Variants in SYT1 observed in about 807,000 individuals in gnomAD.
The protein encoded by SYT1 is synaptotagmin 1, also known as synaptotagmin-1.
A neutral mutation model predicts 44.8 loss-of-function variants in SYT1; 8 were observed. That is an observed-to-expected ratio of 0.18 (90% CI 0.10 to 0.32). SYT1 has a LOEUF of 0.32. Among genes scored for constraint, SYT1 ranks in the 10% least tolerant of loss-of-function variants. The pLI is 1.00. For synonymous variants in SYT1, 154 were observed against 188.8 expected (o/e 0.82, Z 1.51); for missense variants, 286 against 509.3 (o/e 0.56, Z 4.22).
At chr12:79,381,287 T>A (rs903890631) in intron 9 of SYT1, among the ~76,000 whole-genome samples, 7 of 152,242 alleles carry the variant, frequency 4.6e-5, no homozygotes, top group African/African-American at 1.4e-4. Context: ...AAGGTAAAAC[T>A]GTACACCTAA....
At chr12:78,898,459 C>A (rs567845473) in intron 1 of SYT1, among the ~76,000 whole-genome samples, 41 of 152,160 alleles carry the variant, frequency 2.7e-4, no homozygotes, top group African/African-American at 9.4e-4. Context: ...ACAACATAAT[C>A]CCTATTTTCA....
At chr12:79,101,044 A>G (rs1592749401) in intron 3 of SYT1, among the ~76,000 whole-genome samples, 1 of 152,140 alleles carries the variant, frequency 6.6e-6, no homozygotes. Flanking sequence ...AAGATTATTT[A>G]TCAATACATT....
chr12:78,908,684 T>C (rs7967450), intron 1 of SYT1, among the ~76,000 whole-genome samples: 117,644 of 151,782 alleles, frequency 0.78, 46,374 homozygotes, highest in African/African-American at 0.91. Context: ...TTACAACTTC[T>C]AATATTTCTA....
chr12:79,238,703 A>G (rs937400208), intron 4 of SYT1, among the ~76,000 whole-genome samples: 2 of 152,324 alleles, frequency 1.3e-5, no homozygotes, highest in African/African-American at 4.8e-5. Context: ...CCTACTTCCA[A>G]ATGCTACCAC....
intron 2 of SYT1, among the ~76,000 whole-genome samples, chr12:78,994,848 C>G (rs868363429): frequency 2.6e-5 from 4 of 152,024 alleles, no homozygotes; most frequent in African/African-American, 9.7e-5. Flanking sequence ...ATTTTTGAAA[C>G]GAATGTTTCC....
chr12:78,966,759 C>T (rs1181243176), intron 1 of SYT1, among the ~76,000 whole-genome samples: 2 of 152,156 alleles, frequency 1.3e-5, no homozygotes, highest in Non-Finnish European at 2.9e-5. Context: ...CTTATTCCTT[C>T]TGTATCCTAC....
At chr12:79,357,879 T>C (rs1157541396) in intron 9 of SYT1, among the ~76,000 whole-genome samples, 1 of 152,102 alleles carries the variant, frequency 6.6e-6, no homozygotes, top group Non-Finnish European at 1.5e-5. Flanking sequence ...TTTGGGAAAA[T>C]TGGGGAAGAG....
chr12:79,273,824 G>A (rs922201180), intron 4 of SYT1, among the ~76,000 whole-genome samples: 1 of 152,218 alleles, frequency 6.6e-6, no homozygotes, highest in Non-Finnish European at 1.5e-5. Flanking sequence ...GATGGCTCAC[G>A]CCTGTAATCC....
In SYT1 at chr12:78,865,931, A is replaced by C. The variant is rs538202525; in HGVS notation, c.-217+822A>C. On this transcript the variant is annotated intron_variant, in intron 1 of 10. Transcript: ENST00000261205. ...TTTCTTGAGTAACAAAAAAAAAAAA[A>C]CAATTAAAATAGATTATTACTTTCC... is the stretch of plus-strand genomic sequence containing the variant. Among the ~76,000 whole-genome samples, 48 of 148,714 alleles carry C rather than the reference A, an allele frequency of 3.2e-4. 1 individual carries two copies. The South Asian group carries it at 9.2e-3, about 28-fold the overall frequency.
In SYT1 at chr12:79,074,022, T is replaced by TA. The variant is rs200870574; in HGVS notation, c.-18+26666dup. Among the ~76,000 whole-genome samples, 1,449 of 152,274 alleles carry TA rather than the reference T, an allele frequency of 9.5e-3. 32 individuals are homozygous for TA. The highest frequency in any genetic ancestry group is 0.032 in the African/African-American group (1,350 of 41,552). On this transcript the variant is annotated intron_variant, in intron 3 of 10. Coordinates refer to ENST00000261205, the MANE Select transcript of SYT1 (RefSeq NM_005639.3). The stretch of plus-strand genomic sequence containing the variant: ...CATTCCAGTCATTAGCTTCCATATA[T>TA]AAAAAATAATGTGCTCACATTCCAT...
chr12:78,877,999 A>G (rs1457045791), intron 1 of SYT1, among the ~76,000 whole-genome samples: 1 of 151,784 alleles, frequency 6.6e-6, no homozygotes, highest in Non-Finnish European at 1.5e-5. Context: ...CATTATTTTT[A>G]AGTCCACAAT....
At chr12:79,199,954 G>A (rs554473504) in intron 3 of SYT1, among the ~76,000 whole-genome samples, 2 of 152,172 alleles carry the variant, frequency 1.3e-5, no homozygotes, top group Admixed American at 1.3e-4. Context: ...TAATGGTGAG[G>A]AACTTTGTTT....
chr12:79,190,137 T>A (rs1873025434), intron 3 of SYT1, among the ~76,000 whole-genome samples: 1 of 152,172 alleles, frequency 6.6e-6, no homozygotes, highest in Admixed American at 6.6e-5. Flanking sequence ...GTTTCTTGAA[T>A]CATTTTTACA....
At chr12:78,941,545 C>A (rs576330604) in intron 1 of SYT1, among the ~76,000 whole-genome samples, 196 of 152,090 alleles carry the variant, frequency 1.3e-3, no homozygotes, top group African/African-American at 4.6e-3. Flanking sequence ...TAGAAGAGAG[C>A]TTTTAATCAA....
intron 3 of SYT1, among the ~76,000 whole-genome samples, chr12:79,199,386 G>A (rs1013942746): frequency 6.6e-6 from 1 of 151,864 alleles, no homozygotes; most frequent in Non-Finnish European, 1.5e-5. Flanking sequence ...CTCTATATCC[G>A]TTTTTCCCTA....
Position 79,449,141 on chromosome 12 carries a change from T to C in SYT1, c.*17T>C. On this transcript the variant is annotated 3_prime_UTR_variant, in exon 11 of 11. Coordinates refer to ENST00000261205, the MANE Select transcript of SYT1 (RefSeq NM_005639.3). Reference sequence around the variant, plus strand: ...AAGAAGTAAAGGAAAGAAGAAGCCTTTCTGCATTTGCCCATATAGTGCTCT... The same window carrying C: ...AAGAAGTAAAGGAAAGAAGAAGCCTCTCTGCATTTGCCCATATAGTGCTCT... The C allele has an allele frequency of 6.3e-7, 1 of 1,585,278 alleles. No homozygotes were observed. The highest frequency in any genetic ancestry group is 1.1e-5 in the South Asian group (1 of 87,834).
chr12:79,245,350 C>A (rs1289035790), intron 4 of SYT1, among the ~76,000 whole-genome samples: 1 of 149,794 alleles, frequency 6.7e-6, no homozygotes, highest in East Asian at 2.0e-4. Flanking sequence ...TAGCGGGCGC[C>A]TGTAGTCCCA....
At chr12:79,108,299 C>G (rs1592755061) in intron 3 of SYT1, among the ~76,000 whole-genome samples, 1 of 151,576 alleles carries the variant, frequency 6.6e-6, no homozygotes, top group Non-Finnish European at 1.5e-5. Context: ...AGCTGAAAAT[C>G]TAGGGAAATA....
intron 5 of SYT1, among the ~76,000 whole-genome samples, chr12:79,288,998 A>G (rs1425436917): frequency 6.6e-6 from 1 of 152,164 alleles, no homozygotes; most frequent in Non-Finnish European, 1.5e-5. Flanking sequence ...CTCATTTTAA[A>G]CACGCTAACA....
Sources: gnomAD v4.1 joint callset for allele counts (sites outside exome capture counted in the v4.1 genomes callset) on GRCh38, gnomAD v4.1.1 for gene constraint, MANE v1.5 for transcripts, NCBI Gene and HGNC (gene_info 2026-07-23, HGNC 2026-07-21) for gene names.